The following C2CD4D variants were observed in gnomAD, a reference collection of about 807,000 sequenced individuals.
C2CD4D encodes the protein C2 calcium-dependent domain-containing protein 4D.
In C2CD4D, 1 loss-of-function variant was observed where a neutral mutation model predicts 0.2. The observed-to-expected ratio is 4.00, with a 90% CI of 1.42 to 18.99. C2CD4D has a LOEUF of 18.99. Ranked by LOEUF, C2CD4D falls within the 30% of genes most tolerant of loss-of-function variation. C2CD4D has a pLI of 0.11. For synonymous variants in C2CD4D, 269 were observed against 279.8 expected (o/e 0.96, Z 0.39); for missense variants, 552 against 551.2 (o/e 1.00, Z -0.01).
chr1:151,838,533 A>G, exon 2 of C2CD4D: 1 of 1,337,846 alleles, frequency 7.5e-7, no homozygotes, highest in Non-Finnish European at 9.5e-7. Flanking sequence ...GGCCGCGGGG[A>G]GCCGAAGGGC....
chr1:151,840,186 C>T (rs1472311676), intron 1 of C2CD4D: 1 of 152,316 alleles, frequency 6.6e-6, no homozygotes, highest in Non-Finnish European at 1.5e-5. Flanking sequence ...CAGGGGCCTC[C>T]GCTGCCTACG....
At chr1:151,838,784 C>G in exon 2 of C2CD4D, 1 of 1,352,464 alleles carries the variant, frequency 7.4e-7, no homozygotes, top group South Asian at 1.9e-5. Flanking sequence ...CGCCACGTGC[C>G]GCCGGGCCGC....
rs1316257168 is a variant in C2CD4D at position 151,838,908 on chromosome 1, T to A, written c.82A>T (p.Lys28Ter). Residue 28 changes from lysine to a stop codon, truncating the protein, a stop_gained, in exon 2 of 2, where the codon AAG (lysine) becomes TAG (stop). Transcript: ENST00000454109. LOFTEE classifies it low-confidence loss of function (END_TRUNC). Reference sequence around the variant, plus strand: ...GTGGGCGGGCCCGGGGCGCGACGCTTGGAGAACAGGCCGGAAGGCGCCCAA... The same window carrying A: ...GTGGGCGGGCCCGGGGCGCGACGCTAGGAGAACAGGCCGGAAGGCGCCCAA... 3 of 1,548,312 alleles carry A rather than the reference T, an allele frequency of 1.9e-6. No individual in the cohort carries two copies. The African/African-American group carries it at 4.1e-5, about 21-fold the overall frequency.
chr1:151,839,147 C>A, exon 2 of C2CD4D: 1 of 777,272 alleles, frequency 1.3e-6, no homozygotes, highest in Non-Finnish European at 2.0e-6. Flanking sequence ...GCCACCGCGC[C>A]CCGGTCTCCG....
At chr1:151,837,866 G>A (rs980714883) in exon 2 of C2CD4D, 124 of 1,439,460 alleles carry the variant, frequency 8.6e-5, no homozygotes, top group Non-Finnish European at 1.1e-4. Context: ...AAGCCGGGCA[G>A]GGTGGAAAGA....
At chr1:151,838,405 G>A in exon 2 of C2CD4D, 1 of 1,437,432 alleles carries the variant, frequency 7.0e-7, no homozygotes, top group Non-Finnish European at 9.1e-7. Context: ...AGTCCAGGTG[G>A]AAGAGCGGCG....
exon 2 of C2CD4D, chr1:151,839,001 G>A (rs1572055116): frequency 6.5e-7 from 1 of 1,548,848 alleles, no homozygotes; most frequent in South Asian, 1.2e-5. Context: ...CGGTGGGTGG[G>A]GTAATGGAAT....
exon 2 of C2CD4D, chr1:151,838,891 G>T (rs1166917339): frequency 1.9e-6 from 3 of 1,546,568 alleles, no homozygotes; most frequent in Middle Eastern, 1.7e-4. Context: ...TTGTGGGCGG[G>T]CCCGGGGCGC....
At chr1:151,838,214 C>G in exon 2 of C2CD4D, 10 of 1,467,384 alleles carry the variant, frequency 6.8e-6, no homozygotes, top group East Asian at 2.8e-5. Context: ...CAGCACCACA[C>G]AGCAGCCGCC....
At chr1:151,838,619 C>T (rs1259039929) in exon 2 of C2CD4D, 10 of 1,315,030 alleles carry the variant, frequency 7.6e-6, no homozygotes, top group South Asian at 6.5e-5. Flanking sequence ...GACGTGCAGC[C>T]GGGACTGCGC....
exon 2 of C2CD4D, chr1:151,839,216 G>A: frequency 1.8e-6 from 1 of 547,360 alleles, no homozygotes; most frequent in East Asian, 3.4e-5. Context: ...GCGCAGTCTG[G>A]GGGGCTGGGG....
exon 2 of C2CD4D, chr1:151,838,275 C>G: frequency 2.3e-6 from 3 of 1,319,156 alleles, no homozygotes; most frequent in Non-Finnish European, 2.9e-6. Context: ...TCGGCGCTCA[C>G]TAGGCGCAGC....
chr1:151,839,074 G>C, exon 2 of C2CD4D: 1 of 1,461,864 alleles, frequency 6.8e-7, no homozygotes, highest in Non-Finnish European at 9.2e-7. Context: ...TCGGCGGAGC[G>C]GGGCTGGGCG....
rs1652654585 is a variant in C2CD4D, at chr1:151,838,510, C to T, written c.480G>A (p.Arg160=). The T allele has an allele frequency of 2.2e-6, 3 of 1,359,916 alleles. 1 individual carries two copies. The highest frequency in any genetic ancestry group is 3.5e-5 in the South Asian group (2 of 57,124). The allele number at this position is 1,359,916 out of a possible 1,614,324, so 84.2% of individuals were successfully genotyped here. A position where few individuals can be genotyped will look rare whatever the true frequency, so the allele number is the denominator to read the frequency against. The change falls in exon 2 of 2, where the codon CGG becomes CGA. Residue 160 remains arginine, a synonymous_variant. Coordinates refer to ENST00000454109, the Ensembl canonical transcript of C2CD4D. ...GAGAGTGAGGCCTGGACACCCGGCG[C>T]CGGCCCAGGCCTGGCCGCGGGGAGC...
exon 2 of C2CD4D, chr1:151,838,125 C>T (rs1652632745): frequency 1.9e-6 from 3 of 1,551,330 alleles, no homozygotes; most frequent in African/African-American, 2.7e-5. Flanking sequence ...AAAAAGAAAT[C>T]CTCGTTGAAG....
exon 2 of C2CD4D, chr1:151,838,566 T>C: frequency 7.6e-7 from 1 of 1,316,182 alleles, no homozygotes. Context: ...GACGAGGCCG[T>C]GTCGCTGTCG....
chr1:151,838,353 G>A (rs759959758), exon 2 of C2CD4D: 3 of 1,428,502 alleles, frequency 2.1e-6, no homozygotes, highest in Non-Finnish European at 1.8e-6. Flanking sequence ...GGCCCCAGGC[G>A]CAGCACGCTC....
chr1:151,838,708 C>T (rs982090073), exon 2 of C2CD4D: 12 of 1,366,788 alleles, frequency 8.8e-6, no homozygotes, highest in African/African-American at 7.6e-5. Flanking sequence ...GGCTCTCGGG[C>T]AGGAAGGCCC....
exon 2 of C2CD4D, chr1:151,838,879 G>C: frequency 6.5e-7 from 1 of 1,543,164 alleles, no homozygotes; most frequent in Non-Finnish European, 8.7e-7. Flanking sequence ...TGGGGCAGGC[G>C]CTTGTGGGCG....
Sources: gnomAD v4.1 joint callset for allele counts on GRCh38, gnomAD v4.1.1 for gene constraint, MANE v1.5 for transcripts, NCBI Gene and HGNC (gene_info 2026-07-23, HGNC 2026-07-21) for gene names.